Variants in MPP4 observed in about 807,000 individuals in gnomAD.
The protein encoded by MPP4 is MAGUK p55 scaffold protein 4, also known as MAGUK p55 subfamily member 4.
In MPP4, 91 loss-of-function variants were observed where a neutral mutation model predicts 98.3. The observed-to-expected ratio is 0.93, with a 90% confidence interval of 0.78 to 1.10. MPP4 has a LOEUF of 1.10. MPP4 is among the 50% of genes least tolerant of loss of function. The pLI, the probability that MPP4 is intolerant of heterozygous loss-of-function variation, is 0.00. For missense variants in MPP4, 744 were observed against 792.9 expected (o/e 0.94, Z 0.74); for synonymous variants, 261 against 271.8 (o/e 0.96, Z 0.39).
intron 8 of MPP4, 49 bp downstream of exon 8, chr2:201,682,782 C>A: frequency 6.5e-7 from 1 of 1,536,972 alleles, no homozygotes; most frequent in Non-Finnish European, 9.0e-7. Flanking sequence ...CCCAGTTCAG[C>A]CTTGGCATTT....
In MPP4 at chr2:201,694,009, C is replaced by T. The variant is rs778692851; in HGVS notation, c.-55G>A. The T allele has an allele frequency of 5.8e-5, 93 of 1,613,322 alleles. No individual in the cohort carries two copies. The highest frequency in any genetic ancestry group is 6.7e-5 in the East Asian group (3 of 44,892). On this transcript the variant is annotated 5_prime_UTR_variant, in exon 2 of 22. It adds an upstream start codon to the 5' untranslated region. Transcript: ENST00000409474. ...CAGGACTAGGAAGCGGGTCAATACA[C>T]GGCACACAGCTCACTCAGTCCCACT... is the stretch of plus-strand genomic sequence containing the variant.
At chr2:201,655,382 C>T (rs1299289570) in intron 17 of MPP4, among the ~76,000 whole-genome samples, 2 of 152,168 alleles carry the variant, frequency 1.3e-5, no homozygotes, top group African/African-American at 4.8e-5. Context: ...GAGGCAGGGC[C>T]GACTTCATGG....
chr2:201,647,826 C>T lies in MPP4; in HGVS notation c.1585-1G>A. On this transcript the variant is annotated splice_acceptor_variant, in intron 20 of 21. Transcript: ENST00000409474. LOFTEE classifies it high-confidence loss of function. ...CATGGGTTCGAACCCCTTGAATATC[C>T]TACACAGAAAATTTAAATGCACATT... The T allele has an allele frequency of 6.2e-7, 1 of 1,606,122 alleles. No individual in the cohort carries two copies. Among genetic ancestry groups the T allele is most frequent in the Non-Finnish European group, 8.5e-7 (1 of 1,174,750 alleles).
chr2:201,688,317 A>C (rs887428825), intron 4 of MPP4, among the ~76,000 whole-genome samples: 2 of 152,254 alleles, frequency 1.3e-5, no homozygotes, highest in African/African-American at 4.8e-5. Context: ...TGGAGTTTAC[A>C]TTCTAGGGAG....
At chr2:201,683,985 C>T (rs988168446) in intron 7 of MPP4, among the ~76,000 whole-genome samples, 1 of 151,784 alleles carries the variant, frequency 6.6e-6, no homozygotes, top group Non-Finnish European at 1.5e-5. Flanking sequence ...TCTGGGAGGC[C>T]AAGGCAGGAG....
intron 20 of MPP4, among the ~76,000 whole-genome samples, chr2:201,648,620 TGACAAA>T (rs776381313): frequency 3.2e-4 from 48 of 152,336 alleles, no homozygotes; most frequent in Non-Finnish European, 5.6e-4. Flanking sequence ...TGATCTCATA[TGACAAA>T]GACAAAGACA....
At chr2:201,689,350 A>G (rs73053643) in intron 4 of MPP4, among the ~76,000 whole-genome samples, 1 of 152,164 alleles carries the variant, frequency 6.6e-6, no homozygotes, top group Non-Finnish European at 1.5e-5. Context: ...AAACAAAAAA[A>G]GAGCTTTGGT....
intron 18 of MPP4, among the ~76,000 whole-genome samples, chr2:201,654,079 C>A (rs956840194): frequency 6.6e-6 from 1 of 151,698 alleles, no homozygotes; most frequent in Non-Finnish European, 1.5e-5. Context: ...CAGGTTTAAG[C>A]GATTATCTGT....
At chr2:201,677,005 C>T (rs1025083121) in intron 10 of MPP4, among the ~76,000 whole-genome samples, 2 of 152,236 alleles carry the variant, frequency 1.3e-5, no homozygotes, top group African/African-American at 2.4e-5. Context: ...CTTTAATTCA[C>T]AGCACATGCA....
At chr2:201,684,961 GAAA>G (rs71025250) in intron 7 of MPP4, 100 bp downstream of exon 7, 2 of 658,364 alleles carry the variant, frequency 3.0e-6, no homozygotes, top group Non-Finnish European at 4.5e-6. Context: ...AAAAAAAAAA[GAAA>G]AAAAAAAAGA....
At chr2:201,680,290 A>G (rs1688628617) in intron 10 of MPP4, 1 of 153,310 alleles carries the variant, frequency 6.5e-6, no homozygotes, top group African/African-American at 2.4e-5. Context: ...ACAGAGATGT[A>G]TTTGCTCATA....
intron 7 of MPP4, among the ~76,000 whole-genome samples, chr2:201,684,384 C>A (rs1440564216): frequency 6.6e-6 from 1 of 152,138 alleles, no homozygotes; most frequent in African/African-American, 2.4e-5. Flanking sequence ...TAGAGCTAAG[C>A]AGCTTGAATC....
intron 4 of MPP4, 66 bp downstream of exon 4, chr2:201,690,135 AC>A (rs1299037051): frequency 1.2e-5 from 12 of 1,026,624 alleles, no homozygotes; most frequent in Admixed American, 2.5e-5. Flanking sequence ...ATTCATTTGA[AC>A]TAGCAATGTG....
chr2:201,687,639 G>A (rs191535566), intron 4 of MPP4, among the ~76,000 whole-genome samples: 5 of 152,290 alleles, frequency 3.3e-5, no homozygotes, highest in African/African-American at 1.2e-4. Flanking sequence ...TAGGCATGGA[G>A]GATGTACCAA....
At position 201,698,576 on chromosome 2, in the gene MPP4, A is replaced by C. The variant is rs1053145148; in HGVS notation, c.-101+11T>G. Reference sequence around the variant, plus strand: ...TCTGGTAACTGAGGATTATTTGCCAAGGTCTCTTACCTGCAAGACTGTAAA... The same window carrying C: ...TCTGGTAACTGAGGATTATTTGCCACGGTCTCTTACCTGCAAGACTGTAAA... On this transcript the variant is annotated intron_variant, in intron 1 of 21. Coordinates refer to ENST00000409474, the MANE Select transcript of MPP4 (RefSeq NM_033066.3). 7.7e-5 allele frequency: 101 copies of C among 1,303,554 alleles called. No individual in the cohort carries two copies. Among genetic ancestry groups the C allele is most frequent in the Non-Finnish European group, 9.8e-5 (97 of 988,712 alleles). 80.7% of individuals were successfully genotyped at this position (1,303,554 alleles called of 1,614,324 possible).
intron 13 of MPP4, chr2:201,665,916 T>A (rs1235090078): frequency 1.3e-5 from 2 of 153,014 alleles, no homozygotes; most frequent in Admixed American, 1.3e-4. Flanking sequence ...TTTTGGAACC[T>A]ACTACTATTT....
chr2:201,688,835 T>C (rs1416562828), intron 4 of MPP4, among the ~76,000 whole-genome samples: 1 of 152,166 alleles, frequency 6.6e-6, no homozygotes, highest in Non-Finnish European at 1.5e-5. Context: ...CAGGCTGGTC[T>C]TGAACTCCTG....
At chr2:201,669,540 A>G (rs1688279388) in intron 12 of MPP4, among the ~76,000 whole-genome samples, 193 bp downstream of exon 12, 1 of 49,636 alleles carries the variant, frequency 2.0e-5, no homozygotes, top group Non-Finnish European at 4.2e-5. Flanking sequence ...TCTTTGAATG[A>G]CATATTTTTA....
At chr2:201,665,997 T>C (rs992318045) in intron 13 of MPP4, 5 of 181,548 alleles carry the variant, frequency 2.8e-5, no homozygotes, top group Non-Finnish European at 4.6e-5. Flanking sequence ...TCTTTAAAAA[T>C]TTGATACTGC....
Sources: allele counts gnomAD v4.1 joint callset (sites outside exome capture counted in the v4.1 genomes callset), GRCh38; gene constraint gnomAD v4.1.1; transcripts MANE v1.5; gene names NCBI Gene and HGNC (gene_info 2026-07-23, HGNC 2026-07-21).